Variants in RALY observed in about 807,000 individuals in gnomAD.
The protein encoded by RALY is RALY heterogeneous nuclear ribonucleoprotein.
A neutral mutation model predicts 30.7 loss-of-function variants in RALY; 15 were observed. The observed-to-expected ratio is 0.49, with a 90% confidence interval of 0.33 to 0.75. The LOEUF is 0.75. RALY is among the 30% of genes least tolerant of loss of function. RALY has a pLI of 0.02. For synonymous variants in RALY, 177 were observed against 170.8 expected, an observed-to-expected ratio of 1.04 and a Z score of -0.28; for missense variants, 339 against 414.3, an observed-to-expected ratio of 0.82 and a Z score of 1.58.
chr20:34,039,436 C>A (rs960776759), intron 2 of RALY, among the ~76,000 whole-genome samples: 5 of 152,198 alleles, frequency 3.3e-5, no homozygotes, highest in African/African-American at 1.2e-4. Flanking sequence ...CCTCCATATC[C>A]CCATCTGTAA....
intron 1 of RALY, among the ~76,000 whole-genome samples, chr20:34,030,872 A>G (rs2032240728): frequency 6.6e-6 from 1 of 151,956 alleles, no homozygotes; most frequent in Non-Finnish European, 1.5e-5. Context: ...AGATCTTTTC[A>G]TGTCTTACCC....
At chr20:34,071,366 C>G (rs913656854) in intron 2 of RALY, among the ~76,000 whole-genome samples, 8 of 151,846 alleles carry the variant, frequency 5.3e-5, no homozygotes, top group African/African-American at 1.9e-4. Context: ...CAACCTCCAC[C>G]TCCTGGGTTC....
At chr20:34,070,616 G>A (rs1800356019) in intron 2 of RALY, among the ~76,000 whole-genome samples, 1 of 152,214 alleles carries the variant, frequency 6.6e-6, no homozygotes. Flanking sequence ...GCTCTGGGAA[G>A]CAAAATGATA....
At chr20:34,036,254 A>G (rs2032493181) in intron 2 of RALY, among the ~76,000 whole-genome samples, 1 of 152,176 alleles carries the variant, frequency 6.6e-6, no homozygotes, top group South Asian at 2.1e-4. Flanking sequence ...TTTAGGAGGA[A>G]AGTATTCCAT....
intron 1 of RALY, among the ~76,000 whole-genome samples, chr20:34,029,352 G>A (rs753122004): frequency 3.9e-4 from 60 of 152,048 alleles, no homozygotes; most frequent in Non-Finnish European, 7.5e-4. Context: ...CAGGAGAATC[G>A]CTTGAACCCG....
At chr20:34,073,351 T>C (rs2033784586) in intron 3 of RALY, among the ~76,000 whole-genome samples, 1 of 152,094 alleles carries the variant, frequency 6.6e-6, no homozygotes, top group Non-Finnish European at 1.5e-5. Context: ...TGAAAGTGTA[T>C]GGACATATAA....
intron 1 of RALY, among the ~76,000 whole-genome samples, chr20:34,000,131 C>G (rs543757982): frequency 6.6e-6 from 1 of 152,252 alleles, no homozygotes; most frequent in East Asian, 1.9e-4. Flanking sequence ...TAATGTTAAC[C>G]TGCTTGTCCT....
intron 1 of RALY, among the ~76,000 whole-genome samples, chr20:34,004,040 A>G (rs1490400139): frequency 1.4e-5 from 2 of 146,426 alleles, no homozygotes; most frequent in Non-Finnish European, 2.9e-5. Context: ...TATCTTTTTC[A>G]TTTGAAGCCA....
chr20:34,072,279 C>A lies in RALY; in HGVS notation c.205C>A (p.Arg69=), dbSNP rs768225024. The A allele has an allele frequency of 1.2e-6, 2 of 1,614,006 alleles. No homozygotes were observed. The highest frequency in any genetic ancestry group is 1.1e-5 in the South Asian group (1 of 91,084). ...FVQYSNERHA[R]AAVLGENGRV... ...TCAGTACTCCAATGAGCGCCATGCCCGGGCAGCTGTGCTGGGAGAGAATGG... is the reference window on the plus strand; with the variant it reads ...TCAGTACTCCAATGAGCGCCATGCCAGGGCAGCTGTGCTGGGAGAGAATGG... Residue 69 remains arginine (R), a synonymous_variant, in exon 3 of 10, where the codon CGG becomes AGG. Transcript: ENST00000246194.
intron 2 of RALY, among the ~76,000 whole-genome samples, chr20:34,047,996 C>A (rs73259627): frequency 3.9e-5 from 6 of 152,332 alleles, no homozygotes; most frequent in African/African-American, 9.6e-5. Context: ...CCAGGCCAGG[C>A]TTTATTGTGC....
At chr20:34,065,178 G>A (rs1048450665) in intron 2 of RALY, 1 of 152,250 alleles carries the variant, frequency 6.6e-6, no homozygotes, top group Non-Finnish European at 1.5e-5. Context: ...AAGGAGATAG[G>A]AAGTGGGTAA....
At chr20:34,071,927 C>T (rs2033738566) in intron 2 of RALY, 139 bp from the exon 3 acceptor site, 5 of 972,810 alleles carry the variant, frequency 5.1e-6, no homozygotes, top group African/African-American at 1.6e-5. Flanking sequence ...GACAAGAAAA[C>T]AAGATGCAGG....
At chr20:34,017,414 C>A (rs554462265) in intron 1 of RALY, 2 of 152,402 alleles carry the variant, frequency 1.3e-5, no homozygotes, top group East Asian at 3.9e-4. Context: ...TACCAGGGCC[C>A]TCTCTTACTT....
At chr20:33,994,407 C>T (rs1284943262) in intron 1 of RALY, 2 of 152,332 alleles carry the variant, frequency 1.3e-5, no homozygotes, top group African/African-American at 4.8e-5. Flanking sequence ...AAGTCTGGGC[C>T]AGTAGTTGGC....
chr20:33,999,409 G>A (rs1026799337), intron 1 of RALY, among the ~76,000 whole-genome samples: 2 of 152,106 alleles, frequency 1.3e-5, no homozygotes, highest in African/African-American at 4.8e-5. Flanking sequence ...TGAGAGTATG[G>A]CACAACTGGT....
At chr20:34,026,851 T>C (rs929784397) in intron 1 of RALY, among the ~76,000 whole-genome samples, 1 of 152,228 alleles carries the variant, frequency 6.6e-6, no homozygotes, top group Non-Finnish European at 1.5e-5. Context: ...TCGGTTGATA[T>C]TCATACTGGG....
chr20:34,068,699 A>T (rs911043589), intron 2 of RALY, among the ~76,000 whole-genome samples: 1 of 152,252 alleles, frequency 6.6e-6, no homozygotes, highest in Non-Finnish European at 1.5e-5. Flanking sequence ...GTCTTAATTT[A>T]GAATTCTTGG....
chr20:34,074,791 C>T (rs1004290115), intron 5 of RALY, among the ~76,000 whole-genome samples: 2 of 152,198 alleles, frequency 1.3e-5, no homozygotes, highest in Non-Finnish European at 2.9e-5. Context: ...GCCGTTCCCT[C>T]CCCTTGGGGG....
intron 2 of RALY, among the ~76,000 whole-genome samples, chr20:34,061,842 T>C (rs922263399): frequency 2.6e-5 from 4 of 152,200 alleles, no homozygotes; most frequent in Admixed American, 1.3e-4. Flanking sequence ...ATGGGAGTTA[T>C]GTGGCATGTT....
Sources: gnomAD v4.1 joint callset for allele counts (sites outside exome capture counted in the v4.1 genomes callset) on GRCh38, gnomAD v4.1.1 for gene constraint, MANE v1.5 for transcripts, NCBI Gene and HGNC (gene_info 2026-07-23, HGNC 2026-07-21) for gene names.